The following PHLPP1 variants were observed in gnomAD, a reference collection of about 807,000 sequenced individuals.
PHLPP1 encodes the protein PH domain leucine-rich repeat-containing protein phosphatase 1.
Under a neutral mutation model 117.2 loss-of-function variants are expected in PHLPP1, and 42 were observed. The ratio of observed to expected loss-of-function variants is 0.36; its 90% CI spans 0.28 to 0.46. PHLPP1 has a LOEUF of 0.46. Ranked by LOEUF, PHLPP1 falls within the 20% of genes least tolerant of loss-of-function variation. The pLI, the probability that PHLPP1 is intolerant of heterozygous loss-of-function variation, is 1.00. For synonymous variants in PHLPP1, 1,042 were observed against 970.7 expected, an observed-to-expected ratio of 1.07 and a Z score of -1.37; for missense variants, 2,084 against 2,241.9, an observed-to-expected ratio of 0.93 and a Z score of 1.42.
At chr18:62,947,974 G>A (rs1333792009) in intron 12 of PHLPP1, among the ~76,000 whole-genome samples, 8 of 151,812 alleles carry the variant, frequency 5.3e-5, no homozygotes, top group East Asian at 3.9e-4. Context: ...GCAGTGAGCC[G>A]AGATTGCGCC....
chr18:62,897,168 A>C (rs1916584653), intron 6 of PHLPP1, among the ~76,000 whole-genome samples: 1 of 152,204 alleles, frequency 6.6e-6, no homozygotes, highest in Non-Finnish European at 1.5e-5. Context: ...GACCTCAGGT[A>C]GTAAGAATGA....
At chr18:62,901,468 G>C (rs1037153391) in intron 6 of PHLPP1, among the ~76,000 whole-genome samples, 5 of 152,064 alleles carry the variant, frequency 3.3e-5, no homozygotes, top group African/African-American at 1.2e-4. Flanking sequence ...ACAAATCCCA[G>C]CTCTTTGCTG....
intron 16 of PHLPP1, among the ~76,000 whole-genome samples, chr18:62,977,614 G>A (rs1361000463): frequency 1.3e-5 from 2 of 152,164 alleles, no homozygotes; most frequent in East Asian, 3.8e-4. Flanking sequence ...TTTAGCATCT[G>A]TTCTCCTGAC....
intron 10 of PHLPP1, among the ~76,000 whole-genome samples, chr18:62,931,878 G>GAAAAAAAAAAAAAAAAAAAAAAACCAAAA: frequency 1.3e-5 from 1 of 76,472 alleles, no homozygotes; most frequent in Non-Finnish European, 2.3e-5. Context: ...CTGGGCGACA[G>GAAAAAAAAAAAAAAAAAAAAAAACCAAAA]AAAAAAAAAA....
At chr18:62,755,598 A>C (rs1254345789) in intron 1 of PHLPP1, among the ~76,000 whole-genome samples, 1 of 152,166 alleles carries the variant, frequency 6.6e-6, no homozygotes, top group East Asian at 1.9e-4. Context: ...TGCAGTGAGA[A>C]GGTGCCAGCT....
intron 3 of PHLPP1, among the ~76,000 whole-genome samples, chr18:62,845,851 T>G (rs953556390): frequency 1.8e-4 from 27 of 152,174 alleles, no homozygotes; most frequent in Non-Finnish European, 2.5e-4. Context: ...AATTCACATT[T>G]TACACCCATT....
chr18:62,840,087 T>C (rs945509644), intron 3 of PHLPP1, among the ~76,000 whole-genome samples: 12 of 152,146 alleles, frequency 7.9e-5, no homozygotes, highest in African/African-American at 2.9e-4. Context: ...GATTGCTGTG[T>C]GATGTAATTA....
At chr18:62,735,162 A>G (rs181071461) in intron 1 of PHLPP1, among the ~76,000 whole-genome samples, 1 of 151,720 alleles carries the variant, frequency 6.6e-6, no homozygotes, top group Admixed American at 6.6e-5. Flanking sequence ...CTTCCACCTC[A>G]GCCTCCCTAG....
At chr18:62,781,812 A>T (rs1442876826) in intron 1 of PHLPP1, among the ~76,000 whole-genome samples, 1 of 152,194 alleles carries the variant, frequency 6.6e-6, no homozygotes, top group Non-Finnish European at 1.5e-5. Context: ...GTATTTTCTT[A>T]AAAAGGGCCT....
intron 1 of PHLPP1, among the ~76,000 whole-genome samples, chr18:62,774,882 C>T (rs534189770): frequency 5.1e-4 from 78 of 152,048 alleles, no homozygotes; most frequent in Non-Finnish European, 5.9e-4. Flanking sequence ...TAAAACCCTT[C>T]TTAGTTCTCA....
chr18:62,920,158 C>A (rs953312540), intron 10 of PHLPP1, 44 bp downstream of exon 10: 3 of 1,540,226 alleles, frequency 1.9e-6, no homozygotes, highest in East Asian at 4.5e-5. Flanking sequence ...TATAAATATT[C>A]CCTCATTTGT....
intron 3 of PHLPP1, among the ~76,000 whole-genome samples, chr18:62,859,097 G>A (rs2064999836): frequency 6.6e-6 from 1 of 152,134 alleles, no homozygotes; most frequent in Admixed American, 6.5e-5. Flanking sequence ...CTGGGGTTTG[G>A]TAAAAGAAAA....
intron 1 of PHLPP1, chr18:62,824,303 T>C (rs1333228011): frequency 2.6e-6 from 1 of 384,306 alleles, no homozygotes; most frequent in Non-Finnish European, 5.1e-6. Context: ...TCCATCAAAA[T>C]AGAAAAAAAA....
intron 4 of PHLPP1, among the ~76,000 whole-genome samples, chr18:62,890,513 G>A (rs1005862292): frequency 3.9e-5 from 6 of 152,194 alleles, no homozygotes; most frequent in East Asian, 1.9e-4. Context: ...TGATCCACCC[G>A]CCTCAGCCTC....
chr18:62,717,144 G>C lies in PHLPP1; in HGVS notation c.1461G>C (p.Glu487Asp), dbSNP rs754989289. Reference sequence around the variant, plus strand: ...CCACCCGGCGCTTGGAGGCGGAGGAGAAGCCATTGCAGATCCAAAATGACT... The same window carrying C: ...CCACCCGGCGCTTGGAGGCGGAGGACAAGCCATTGCAGATCCAAAATGACT... ...GETTRRLEAE[E>D]KPLQIQNDYL... is the part of the protein sequence containing the mutation. The change falls in exon 1 of 17, where the codon GAG becomes GAC. Residue 487 changes from glutamate to aspartate, a missense_variant. Around this residue, in one of 2 missense-constraint regions of PHLPP1, gnomAD observed 1,365 missense variants for 1,605.9 expected, o/e 0.85. Transcript: ENST00000262719. 3 of 1,610,344 alleles carry C rather than the reference G, an allele frequency of 1.9e-6. No homozygotes were observed.
At chr18:62,768,277 CAAGCCCCTGATCAGTCAGTAGTCACCTTG>C (rs1367414333) in intron 1 of PHLPP1, among the ~76,000 whole-genome samples, 1 of 151,690 alleles carries the variant, frequency 6.6e-6, no homozygotes, top group African/African-American at 2.4e-5. Flanking sequence ...TCCCTTTTTT[CAAGCCCCTGATCAGTCAGTAGTCACCTTG>C]AGAACCAAAG....
chr18:62,717,282 C>A (rs1220998614), intron 1 of PHLPP1, 23 bp downstream of exon 1: 1 of 1,539,334 alleles, frequency 6.5e-7, no homozygotes, highest in Non-Finnish European at 8.8e-7. Context: ...CCTGCCTTGA[C>A]GGGTGGTTGC....
chr18:62,942,994 G>A (rs1910172761), intron 11 of PHLPP1, among the ~76,000 whole-genome samples: 1 of 152,002 alleles, frequency 6.6e-6, no homozygotes, highest in Non-Finnish European at 1.5e-5. Flanking sequence ...CTATGGAATG[G>A]GGAAATGATA....
At chr18:62,850,342 T>C (rs1320628329) in intron 3 of PHLPP1, among the ~76,000 whole-genome samples, 1 of 118,630 alleles carries the variant, frequency 8.4e-6, no homozygotes, top group Non-Finnish European at 1.6e-5. Flanking sequence ...GAGCTGAGAT[T>C]GAGCTACTGC....
Sources: gnomAD v4.1 joint callset for allele counts (sites outside exome capture counted in the v4.1 genomes callset) on GRCh38, gnomAD v4.1.1 for gene constraint, gnomAD v4.1.1 regional missense constraint, MANE v1.5 for transcripts, NCBI Gene and HGNC (gene_info 2026-07-23, HGNC 2026-07-21) for gene names.